COLEC10: variants seen among roughly 807,000 people sequenced by gnomAD.
The protein encoded by COLEC10 is collectin subfamily member 10.
A neutral mutation model predicts 28.4 loss-of-function variants in COLEC10; 22 were observed. That is an observed-to-expected ratio of 0.78 (90% CI 0.55 to 1.11). The LOEUF (loss-of-function observed/expected upper bound fraction) is 1.11, where lower values mean the gene tolerates loss of function less well. COLEC10 is among the 50% of genes least tolerant of loss of function. The probability of loss-of-function intolerance (pLI) is 0.00; values close to 1 mark genes in which losing one functional copy is unlikely to be tolerated. For synonymous variants in COLEC10, 125 were observed against 116.1 expected (o/e 1.08, Z -0.49); for missense variants, 361 against 344.1 (o/e 1.05, Z -0.39).
intron 5 of COLEC10, among the ~76,000 whole-genome samples, chr8:119,104,898 T>A (rs1200621764): frequency 6.6e-6 from 1 of 152,164 alleles, no homozygotes; most frequent in Non-Finnish European, 1.5e-5. Flanking sequence ...TGAATTAAAG[T>A]TATGGATCCT....
At chr8:119,097,954 G>T (rs1815753408) in intron 3 of COLEC10, among the ~76,000 whole-genome samples, 1 of 151,894 alleles carries the variant, frequency 6.6e-6, no homozygotes, top group African/African-American at 2.4e-5. Context: ...TAAGTGTACA[G>T]TTCAATGGCA....
At chr8:118,981,630 A>G in the COLEC10 span, among the ~76,000 whole-genome samples, 1 of 152,236 alleles carries the variant, frequency 6.6e-6, no homozygotes, top group Non-Finnish European at 1.5e-5. Context: ...GGGCATTTCC[A>G]TCAAGTCATT....
At chr8:119,089,542 C>T (rs1219048123) in intron 1 of COLEC10, 138 bp from the exon 2 acceptor site, 4 of 627,998 alleles carry the variant, frequency 6.4e-6, no homozygotes, top group Non-Finnish European at 1.1e-5. Flanking sequence ...TGTGAACATA[C>T]ATCCATACTC....
At chr8:119,015,572 C>A (rs1184548974) in intron 2 of COLEC10, among the ~76,000 whole-genome samples, 1 of 152,126 alleles carries the variant, frequency 6.6e-6, no homozygotes, top group Non-Finnish European at 1.5e-5. Context: ...TATATTGCAA[C>A]CCTGCAATAA....
the COLEC10 span, among the ~76,000 whole-genome samples, chr8:118,983,920 G>A: frequency 2.0e-5 from 3 of 152,172 alleles, no homozygotes; most frequent in Non-Finnish European, 4.4e-5. Flanking sequence ...GTGGAAAGCA[G>A]TTTGATGATT....
At chr8:118,959,515 A>G in the COLEC10 span, among the ~76,000 whole-genome samples, 4,064 of 152,336 alleles carry the variant, frequency 0.027, 169 homozygotes, top group African/African-American at 0.093. Flanking sequence ...CAAGGCACTT[A>G]GAGCAATGCC....
intron 1 of COLEC10, among the ~76,000 whole-genome samples, chr8:118,995,799 C>T (rs537161025): frequency 6.6e-6 from 1 of 152,112 alleles, no homozygotes; most frequent in Non-Finnish European, 1.5e-5. Flanking sequence ...TCAAATGGTG[C>T]AAAATCCAGG....
chr8:119,034,633 C>T (rs1210252190), intron 2 of COLEC10, among the ~76,000 whole-genome samples: 1 of 152,070 alleles, frequency 6.6e-6, no homozygotes, highest in African/African-American at 2.4e-5. Context: ...TGCTTGAACC[C>T]AGGAGGCGGA....
At chr8:118,977,702 T>G in the COLEC10 span, among the ~76,000 whole-genome samples, 4 of 133,426 alleles carry the variant, frequency 3.0e-5, no homozygotes, top group Non-Finnish European at 6.1e-5. Context: ...TATACATATG[T>G]AACCTGCACA....
the COLEC10 span, among the ~76,000 whole-genome samples, chr8:118,987,800 C>G: frequency 2.0e-4 from 31 of 152,032 alleles, 1 homozygote; most frequent in Non-Finnish European, 2.9e-5. Flanking sequence ...TATATTTCAC[C>G]AAAATATTTA....
At chr8:118,960,552 A>C in the COLEC10 span, among the ~76,000 whole-genome samples, 1 of 152,136 alleles carries the variant, frequency 6.6e-6, no homozygotes, top group Admixed American at 6.5e-5. Context: ...TGGGAGGCTG[A>C]GGCGGGTGGA....
At chr8:118,966,395 A>G in the COLEC10 span, among the ~76,000 whole-genome samples, 1 of 152,206 alleles carries the variant, frequency 6.6e-6, no homozygotes, top group Non-Finnish European at 1.5e-5. Context: ...CTGTAACAAC[A>G]ACGAAAAGAA....
chr8:119,096,570 G>A (rs1467821879), intron 3 of COLEC10, among the ~76,000 whole-genome samples: 3 of 151,876 alleles, frequency 2.0e-5, no homozygotes, highest in East Asian at 1.9e-4. Flanking sequence ...CAGCTTGGGC[G>A]ACAGAGTGAG....
chr8:119,034,353 A>C (rs1049144676), intron 2 of COLEC10, among the ~76,000 whole-genome samples: 8 of 151,912 alleles, frequency 5.3e-5, no homozygotes, highest in Non-Finnish European at 7.4e-5. Flanking sequence ...ACAAACCAGC[A>C]CATGTATACC....
At chr8:119,059,682 G>C (rs752224538) in intron 2 of COLEC10, among the ~76,000 whole-genome samples, 2 of 152,006 alleles carry the variant, frequency 1.3e-5, no homozygotes, top group Non-Finnish European at 2.9e-5. Context: ...GAGGAGAGAG[G>C]TGGAGTTTTT....
the COLEC10 span, among the ~76,000 whole-genome samples, chr8:118,988,285 C>T: frequency 2.6e-5 from 4 of 151,832 alleles, no homozygotes; most frequent in South Asian, 2.1e-4. Context: ...AGGGTTCTGG[C>T]GGTGGAGACA....
intron 2 of COLEC10, among the ~76,000 whole-genome samples, chr8:119,060,296 ACTAT>A (rs1814832507): frequency 6.6e-6 from 1 of 152,140 alleles, no homozygotes; most frequent in African/African-American, 2.4e-5. Flanking sequence ...AATTGTGAAA[ACTAT>A]CTATCATTGG....
chr8:119,017,123 G>A (rs1469885220), intron 2 of COLEC10, among the ~76,000 whole-genome samples: 1 of 152,076 alleles, frequency 6.6e-6, no homozygotes, highest in African/African-American at 2.4e-5. Flanking sequence ...TTTTTCATAT[G>A]GGAAACTGGG....
intron 1 of COLEC10, among the ~76,000 whole-genome samples, chr8:119,008,057 TTAAG>T (rs1335609358): frequency 2.0e-5 from 3 of 150,968 alleles, no homozygotes; most frequent in Non-Finnish European, 4.4e-5. Flanking sequence ...TGTTATGACA[TTAAG>T]TAAGTTTCAG....
Sources: gnomAD v4.1 joint callset for allele counts (sites outside exome capture counted in the v4.1 genomes callset) on GRCh38, gnomAD v4.1.1 for gene constraint, MANE v1.5 for transcripts, NCBI Gene and HGNC (gene_info 2026-07-23, HGNC 2026-07-21) for gene names.